The following RFX2 variants were observed in gnomAD, a reference collection of about 807,000 sequenced individuals.
The protein encoded by RFX2 is regulatory factor X2.
In RFX2, 20 loss-of-function variants were observed where a neutral mutation model predicts 87.8. The ratio of observed to expected loss-of-function variants is 0.23; its 90% CI spans 0.16 to 0.33. RFX2 has a LOEUF of 0.33. Ranked by LOEUF, RFX2 falls within the 10% of genes least tolerant of loss-of-function variation. The pLI is 1.00. For missense variants in RFX2, 767 were observed against 1,012.3 expected, an observed-to-expected ratio of 0.76 and a Z score of 3.29; for synonymous variants, 397 against 431.3, an observed-to-expected ratio of 0.92 and a Z score of 0.98.
intron 1 of RFX2, among the ~76,000 whole-genome samples, chr19:6,104,860 C>T (rs1156991636): frequency 6.6e-6 from 1 of 152,156 alleles, no homozygotes; most frequent in Admixed American, 6.5e-5. Context: ...CAGCTCATGC[C>T]TGTAATCCCA....
chr19:6,099,125 A>G (rs1282510642), intron 1 of RFX2, among the ~76,000 whole-genome samples: 1 of 152,236 alleles, frequency 6.6e-6, no homozygotes, highest in African/African-American at 2.4e-5. Context: ...TAACAGCTCT[A>G]TATTTGTTCC....
At chr19:6,046,339 G>GGGA (rs1257402161) in intron 2 of RFX2, among the ~76,000 whole-genome samples, 6 of 152,094 alleles carry the variant, frequency 3.9e-5, no homozygotes, top group Non-Finnish European at 7.4e-5. Flanking sequence ...CCAGCACTTT[G>GGGA]GGAGGCTGAG....
rs758435538 is a variant in RFX2 at position 6,002,864 on chromosome 19, C to T, written c.1507G>A (p.Val503Ile). ...AGCGTCTGGGCGAAGGCACTGACGACGCCCACCTGTAAGCCAGGGCTCGTG... is the reference window on the plus strand; with the variant it reads ...AGCGTCTGGGCGAAGGCACTGACGATGCCCACCTGTAAGCCAGGGCTCGTG... Reference protein sequence around the residue: ...PQQVIQTKVGVVSAFAQTLRR... With the variant: ...PQQVIQTKVGIVSAFAQTLRR... Residue 503 changes from valine to isoleucine, a missense_variant, in exon 14 of 18, where the codon GTC becomes ATC. Coordinates refer to ENST00000303657, the MANE Select transcript of RFX2 (RefSeq NM_000635.4). This position sits in a 1 kb window ranked among gnomAD's most constrained non-coding sequence, Gnocchi z 6.7. The T allele has an allele frequency of 2.5e-5, 40 of 1,606,406 alleles. No homozygotes were observed. Among genetic ancestry groups the T allele is most frequent in the East Asian group, 1.8e-4 (8 of 44,750 alleles).
rs1426952183 is a variant in RFX2 at position 6,101,211 on chromosome 19, C to A, written c.-9+9182G>T. ...GATGGAGACCCCAGAGAGCTCCTCACTGAAGTCCCTAGTAGGGTGAATTCT... is the reference window on the plus strand; with the variant it reads ...GATGGAGACCCCAGAGAGCTCCTCAATGAAGTCCCTAGTAGGGTGAATTCT... On this transcript the variant is annotated intron_variant, in intron 1 of 17. Transcript: ENST00000303657. The surrounding 1 kb of genome is among the most constrained non-coding windows in gnomAD (Gnocchi z 4.9). 6.6e-6 allele frequency among the ~76,000 whole-genome samples: 1 copy of A among 152,240 alleles called. No individual in the cohort carries two copies. Among genetic ancestry groups the A allele is most frequent in the Admixed American group, 6.5e-5 (1 of 15,288 alleles).
rs1329315023 is a variant in RFX2, at chr19:6,021,596, G to C, written c.597+4567C>G. Among the ~76,000 whole-genome samples, 2 of 152,224 alleles carry C rather than the reference G, an allele frequency of 1.3e-5. No homozygotes were observed. Among genetic ancestry groups the C allele is most frequent in the African/African-American group, 4.8e-5 (2 of 41,458 alleles). Reference sequence around the variant, plus strand: ...GAGGTGAGGGGGAGCCTGGGGAAGAGAGCTTCAGGCAGAGGGCCCCACAGT... The same window carrying C: ...GAGGTGAGGGGGAGCCTGGGGAAGACAGCTTCAGGCAGAGGGCCCCACAGT... On this transcript the variant is annotated intron_variant, in intron 6 of 17. Transcript: ENST00000303657. The surrounding 1 kb of genome is among the most constrained non-coding windows in gnomAD (Gnocchi z 5.7).
chr19:6,097,501 C>A (rs2088047108), intron 1 of RFX2, among the ~76,000 whole-genome samples: 1 of 152,136 alleles, frequency 6.6e-6, no homozygotes, highest in Non-Finnish European at 1.5e-5. Flanking sequence ...TTCCACCGGG[C>A]TTTTACAAGG....
chr19:6,107,039 T>C (rs2088227389), intron 1 of RFX2, among the ~76,000 whole-genome samples: 1 of 152,096 alleles, frequency 6.6e-6, no homozygotes, highest in African/African-American at 2.4e-5. Flanking sequence ...CTCACGCCTA[T>C]AATCCCAGCA....
chr19:6,056,097 A>G lies in RFX2; in HGVS notation c.-8-8593T>C, dbSNP rs1038247217. 6.6e-5 allele frequency among the ~76,000 whole-genome samples: 10 copies of G among 152,186 alleles called. No individual in the cohort carries two copies. The highest frequency in any genetic ancestry group is 2.4e-4 in the African/African-American group (10 of 41,440). ...CTCCAGTGAGATGGACGCATTCTGT[A>G]TGATAATACAGTGTGCGGTTACATG... On this transcript the variant is annotated intron_variant, in intron 1 of 17. Coordinates refer to ENST00000303657, the MANE Select transcript of RFX2 (RefSeq NM_000635.4). The surrounding 1 kb of genome is among the most constrained non-coding windows in gnomAD (Gnocchi z 4.6).
chr19:6,093,503 C>A (rs986374626), intron 1 of RFX2, among the ~76,000 whole-genome samples: 6 of 151,856 alleles, frequency 4.0e-5, no homozygotes, highest in Non-Finnish European at 7.4e-5. Context: ...CCACTGCACT[C>A]CAGCCTGGGC....
rs111907688 is a variant in RFX2 at position 6,047,879 on chromosome 19, T to C, written c.-8-375A>G. On this transcript the variant is annotated intron_variant, in intron 1 of 17. Coordinates refer to ENST00000303657, the MANE Select transcript of RFX2 (RefSeq NM_000635.4). The surrounding 1 kb of genome is among the most constrained non-coding windows in gnomAD (Gnocchi z 4.2). ...CCAGAAATCAAAAGCTCTGGGTGGG[T>C]GACTGCCATTTGGGAAGCTACTGCA... Among the ~76,000 whole-genome samples, 5,811 of 152,286 alleles carry C rather than the reference T, an allele frequency of 0.038. 368 individuals are homozygous for C. Among genetic ancestry groups the C allele is most frequent in the African/African-American group, 0.13 (5,501 of 41,546 alleles).
At chr19:6,092,506 G>C (rs1376376092) in intron 1 of RFX2, among the ~76,000 whole-genome samples, 1 of 152,218 alleles carries the variant, frequency 6.6e-6, no homozygotes, top group Non-Finnish European at 1.5e-5. Flanking sequence ...AATTCAGAGG[G>C]GCGGGGCAGG....
At position 5,997,410 on chromosome 19, in the gene RFX2, G is replaced by A. The variant is rs908344208; in HGVS notation, c.1860-197C>T. The A allele has an allele frequency of 1.8e-5, 11 of 602,316 alleles. No individual in the cohort carries two copies. In the Admixed American group the frequency reaches 2.2e-4, roughly 12 times the overall value. 37.3% of individuals were successfully genotyped at this position (602,316 alleles called of 1,614,324 possible). ...CCTGGGCCCACGTGACGGACAGGTG[G>A]GGCCGGCCTGCGCGCTCAGTTCCAG... On this transcript the variant is annotated intron_variant, in intron 15 of 17. Transcript: ENST00000303657. The surrounding 1 kb of genome is among the most constrained non-coding windows in gnomAD (Gnocchi z 4.2).
rs1346658847 is a variant in RFX2, at chr19:6,050,099, G to T, written c.-8-2595C>A. Among the ~76,000 whole-genome samples the T allele has an allele frequency of 6.6e-6, 1 of 152,218 alleles. No homozygotes were observed. Among genetic ancestry groups the T allele is most frequent in the Non-Finnish European group, 1.5e-5 (1 of 68,038 alleles). Reference sequence around the variant, plus strand: ...GGCTAAGCAACTACACCACAAAGGTGTGGGGGAGATACCAGGGGTCTTGGG... The same window carrying T: ...GGCTAAGCAACTACACCACAAAGGTTTGGGGGAGATACCAGGGGTCTTGGG... On this transcript the variant is annotated intron_variant, in intron 1 of 17. Transcript: ENST00000303657. This position sits in a 1 kb window ranked among gnomAD's most constrained non-coding sequence, Gnocchi z 4.6.
Position 6,047,282 on chromosome 19 carries a change from TG to T in RFX2, c.90+124del. ...GTGCCTATTTCAACAGCAGCAGCAC[TG>T]GGACTGAGAAGTCCATTCAGAAAAA... On this transcript the variant is annotated intron_variant, in intron 2 of 17. Coordinates refer to ENST00000303657, the MANE Select transcript of RFX2 (RefSeq NM_000635.4). This position sits in a 1 kb window ranked among gnomAD's most constrained non-coding sequence, Gnocchi z 4.2. The T allele has an allele frequency of 1.4e-6, 1 of 721,994 alleles. No homozygotes were observed. Among genetic ancestry groups the T allele is most frequent in the Non-Finnish European group, 2.2e-6 (1 of 449,954 alleles). The allele number at this position is 721,994 out of a possible 1,614,324, so 44.7% of individuals were successfully genotyped here.
chr19:6,006,992 C>T lies in RFX2; in HGVS notation c.1402+20G>A, dbSNP rs1008479066. 1.2e-5 allele frequency: 19 copies of T among 1,612,104 alleles called. No individual in the cohort carries two copies. The highest frequency in any genetic ancestry group is 6.7e-5 in the East Asian group (3 of 44,834). ...GAAGAGAGGATGGAGCAGCGCCGGG[C>T]GGGGCCGTGGGTCACTTACTGGGGA... On this transcript the variant is annotated intron_variant, in intron 12 of 17. Coordinates refer to ENST00000303657, the MANE Select transcript of RFX2 (RefSeq NM_000635.4).
Position 6,022,052 on chromosome 19 carries a change from C to T in RFX2, c.597+4111G>A, listed in dbSNP as rs950892714. 6.6e-6 allele frequency among the ~76,000 whole-genome samples: 1 copy of T among 151,972 alleles called. No homozygotes were observed. The highest frequency in any genetic ancestry group is 1.5e-5 in the Non-Finnish European group (1 of 67,998). ...CATGAGAGGAGCAAGGAGGCGAGGA[C>T]GCAGTGGGGTTGGGGGCCGAGCGCC... is the stretch of plus-strand genomic sequence containing the variant. On this transcript the variant is annotated intron_variant, in intron 6 of 17. Transcript: ENST00000303657. This position sits in a 1 kb window ranked among gnomAD's most constrained non-coding sequence, Gnocchi z 6.2.
rs942283638 is a variant in RFX2, at chr19:6,009,642, C to T, written c.1015+494G>A. ...TGTCACCCAGGTTGGAGAGTAGTGGCGTGATCATGGCTCACTGCAGCCTCG... is the reference window on the plus strand; with the variant it reads ...TGTCACCCAGGTTGGAGAGTAGTGGTGTGATCATGGCTCACTGCAGCCTCG... On this transcript the variant is annotated intron_variant, in intron 9 of 17. Coordinates refer to ENST00000303657, the MANE Select transcript of RFX2 (RefSeq NM_000635.4). 5.3e-5 allele frequency among the ~76,000 whole-genome samples: 8 copies of T among 152,000 alleles called. No individual in the cohort carries two copies. In the East Asian group the frequency reaches 1.2e-3, roughly 22 times the overall value.
At chr19:6,031,792 T>C (rs2086956932) in intron 5 of RFX2, among the ~76,000 whole-genome samples, 1 of 151,838 alleles carries the variant, frequency 6.6e-6, no homozygotes, top group Non-Finnish European at 1.5e-5. Context: ...AAAAATACAG[T>C]GACTTCTAGG....
At position 6,004,175 on chromosome 19, in the gene RFX2, G is replaced by T; in HGVS notation, c.1500+26C>A. 6.3e-7 allele frequency: 1 copy of T among 1,577,114 alleles called. No homozygotes were observed. The highest frequency in any genetic ancestry group is 2.2e-5 in the East Asian group (1 of 44,714). On this transcript the variant is annotated intron_variant, in intron 13 of 17. Coordinates refer to ENST00000303657, the MANE Select transcript of RFX2 (RefSeq NM_000635.4). The surrounding 1 kb of genome is among the most constrained non-coding windows in gnomAD (Gnocchi z 4.8). ...GGAGCCCCTCCCAGCCATCGTTGGG[G>T]AGCCCAGGCCCCACCCCGGACGCAC...
Sources: allele counts gnomAD v4.1 joint callset (sites outside exome capture counted in the v4.1 genomes callset), GRCh38; gene constraint gnomAD v4.1.1; non-coding constraint Gnocchi (gnomAD v3.1); transcripts MANE v1.5; gene names NCBI Gene and HGNC (gene_info 2026-07-23, HGNC 2026-07-21).